URM1: variants seen among roughly 807,000 people sequenced by gnomAD.
URM1 encodes ubiquitin related modifier 1.
URM1 carries 11 observed loss-of-function variants against 17.7 expected under a neutral mutation model. The ratio of observed to expected loss-of-function variants is 0.62; its 90% CI spans 0.39 to 1.03. The LOEUF is 1.03. Among genes scored for constraint, URM1 ranks in the 50% least tolerant of loss-of-function variants. The pLI, the probability that URM1 is intolerant of heterozygous loss-of-function variation, is 0.00. For missense variants in URM1, 128 were observed against 129.2 expected (o/e 0.99, Z 0.04); for synonymous variants, 48 against 50.6 (o/e 0.95, Z 0.22).
intron 2 of URM1, among the ~76,000 whole-genome samples, chr9:128,382,543 G>A (rs905229893): frequency 6.6e-6 from 1 of 152,186 alleles, no homozygotes; most frequent in African/African-American, 2.4e-5. Flanking sequence ...GGCCAGGGGA[G>A]AGCTTCCAAC....
In URM1 at chr9:128,391,965, C is replaced by G. The variant is rs2131305071; in HGVS notation, c.*2231C>G. 1 of 152,506 alleles carries G rather than the reference C, an allele frequency of 6.6e-6. No individual in the cohort carries two copies. The highest frequency in any genetic ancestry group is 2.1e-4 in the South Asian group (1 of 4,838). The allele number at this position is 152,506 out of a possible 1,614,324, so 9.4% of individuals were successfully genotyped here. On this transcript the variant is annotated 3_prime_UTR_variant, in exon 5 of 5. Coordinates refer to ENST00000372853, the MANE Select transcript of URM1 (RefSeq NM_030914.4). Reference sequence around the variant, plus strand: ...CCAACTGCCCCTCTCCCAAGCAACTCCTGATCCCTGCTTTTGAGGAAATAA... The same window carrying G: ...CCAACTGCCCCTCTCCCAAGCAACTGCTGATCCCTGCTTTTGAGGAAATAA...
chr9:128,371,418 G>T lies in URM1; in HGVS notation c.35+3G>T. ...TTGTCAGTGGAGGTGGAGTTCGGGT[G>T]AGTCACAGAGCTGGGGCGCCGTGGG... is the stretch of plus-strand genomic sequence containing the variant. On this transcript the variant is annotated splice_donor_region_variant and intron_variant, in intron 1 of 4. Transcript: ENST00000372853. 2.5e-6 allele frequency: 4 copies of T among 1,613,004 alleles called. No homozygotes were observed. Among genetic ancestry groups the T allele is most frequent in the Non-Finnish European group, 3.4e-6 (4 of 1,179,230 alleles).
chr9:128,382,731 A>G (rs917786559), intron 2 of URM1, among the ~76,000 whole-genome samples: 2 of 152,324 alleles, frequency 1.3e-5, no homozygotes, highest in African/African-American at 2.4e-5. Context: ...TTTGACATCT[A>G]TAAGAAAAGT....
At chr9:128,388,231 C>A in intron 3 of URM1, 1 of 1,149,188 alleles carries the variant, frequency 8.7e-7, no homozygotes. Flanking sequence ...GAGGAAAAAA[C>A]GTAGCTAGTA....
At chr9:128,383,458 G>A (rs995696012) in intron 2 of URM1, among the ~76,000 whole-genome samples, 2 of 152,160 alleles carry the variant, frequency 1.3e-5, no homozygotes, top group Non-Finnish European at 2.9e-5. Flanking sequence ...TTGGAGCCTG[G>A]TGGACTTGGT....
At chr9:128,375,161 C>G (rs1833060915) in intron 1 of URM1, among the ~76,000 whole-genome samples, 1 of 152,182 alleles carries the variant, frequency 6.6e-6, no homozygotes, top group Non-Finnish European at 1.5e-5. Context: ...CCCTGGGACT[C>G]CCTGAGGATG....
chr9:128,371,441 G>C, intron 1 of URM1, 26 bp downstream of exon 1: 2 of 1,609,916 alleles, frequency 1.2e-6, no homozygotes, highest in Middle Eastern at 3.3e-4. Context: ...GGGGCGCCGT[G>C]GGGATGGATT....
intron 2 of URM1, among the ~76,000 whole-genome samples, chr9:128,382,266 G>C (rs1158907213): frequency 1.3e-5 from 2 of 152,052 alleles, no homozygotes; most frequent in African/African-American, 4.8e-5. Context: ...ACCTAGGTTG[G>C]TGACCTAGGT....
rs566811582 is a variant in URM1, at chr9:128,378,196, C to T, written c.106+90C>T. 2.1e-5 allele frequency: 19 copies of T among 888,216 alleles called. No homozygotes were observed. The South Asian group carries it at 2.8e-4, about 13-fold the overall frequency. 55.0% of individuals were successfully genotyped at this position (888,216 alleles called of 1,614,324 possible). ...ACTCAGCCCCGTTCAGGCCTGTGTT[C>T]TGCATCCGTGTGCTAAGCTGCCTCT... On this transcript the variant is annotated intron_variant, in intron 2 of 4. Transcript: ENST00000372853.
chr9:128,388,986 G>A (rs1178916016), intron 3 of URM1: 284 of 1,281,968 alleles, frequency 2.2e-4, no homozygotes, highest in Non-Finnish European at 2.8e-4. Flanking sequence ...TGAGGAACCT[G>A]ATACTCAGAA....
intron 4 of URM1, 98 bp from the exon 5 acceptor site, chr9:128,389,568 C>A: frequency 6.3e-7 from 1 of 1,575,144 alleles, no homozygotes; most frequent in South Asian, 1.2e-5. Context: ...TCTGTCTCTT[C>A]CAGAGCAGCC....
At chr9:128,374,246 A>G (rs1833048911) in intron 1 of URM1, among the ~76,000 whole-genome samples, 1 of 152,178 alleles carries the variant, frequency 6.6e-6, no homozygotes, top group Non-Finnish European at 1.5e-5. Flanking sequence ...CAGTGAATTC[A>G]GCAGTGACAG....
intron 2 of URM1, among the ~76,000 whole-genome samples, chr9:128,380,410 G>A (rs1295552440): frequency 1.3e-5 from 2 of 152,046 alleles, no homozygotes; most frequent in African/African-American, 2.4e-5. Flanking sequence ...TGTCAGGATT[G>A]TGTGTCCCTG....
intron 1 of URM1, among the ~76,000 whole-genome samples, chr9:128,372,271 TGTGTGTGTGTGTGTGGAATAGGTAG>T: frequency 6.7e-6 from 1 of 149,996 alleles, no homozygotes; most frequent in East Asian, 1.9e-4. Context: ...GGTAGGGATG[TGTGTGTGTGTGTGTGGAATAGGTAG>T]GTGTGTGTGT....
At chr9:128,388,526 A>C (rs1032556233) in intron 3 of URM1, 1 of 985,864 alleles carries the variant, frequency 1.0e-6, no homozygotes, top group African/African-American at 1.7e-5. Context: ...AGGCTCGCTT[A>C]TTTGCCTCGA....
intron 1 of URM1, among the ~76,000 whole-genome samples, chr9:128,371,704 CTCT>C (rs1218095307): frequency 6.6e-6 from 1 of 152,028 alleles, no homozygotes; most frequent in Non-Finnish European, 1.5e-5. Flanking sequence ...CAGCCTCTCT[CTCT>C]TCTTTTCCAT....
At chr9:128,389,427 A>G (rs1395898040) in intron 4 of URM1, 118 bp downstream of exon 4, 2 of 1,595,736 alleles carry the variant, frequency 1.3e-6, no homozygotes, top group Admixed American at 3.6e-5. Flanking sequence ...GCCCCACTCC[A>G]GCCCCACACT....
chr9:128,380,028 G>A (rs1051836228), intron 2 of URM1, among the ~76,000 whole-genome samples: 7 of 151,986 alleles, frequency 4.6e-5, no homozygotes, highest in African/African-American at 1.7e-4. Flanking sequence ...CTGAAGGATT[G>A]CTTGAGCCCA....
At chr9:128,374,018 A>C (rs528016024) in intron 1 of URM1, among the ~76,000 whole-genome samples, 1 of 152,360 alleles carries the variant, frequency 6.6e-6, no homozygotes, top group South Asian at 2.1e-4. Flanking sequence ...ATCTACAAAC[A>C]CATCCACCAA....
Sources: allele counts gnomAD v4.1 joint callset (sites outside exome capture counted in the v4.1 genomes callset), GRCh38; gene constraint gnomAD v4.1.1; transcripts MANE v1.5; gene names NCBI Gene and HGNC (gene_info 2026-07-23, HGNC 2026-07-21).